ROBO1: variants seen among roughly 807,000 people sequenced by gnomAD.
The protein encoded by ROBO1 is roundabout homolog 1.
ROBO1 carries 149 observed loss-of-function variants against 195.9 expected under a neutral mutation model. That is an observed-to-expected ratio of 0.76 (90% CI 0.67 to 0.87). The LOEUF (loss-of-function observed/expected upper bound fraction) is 0.87, where lower values mean the gene tolerates loss of function less well. Among genes scored for constraint, ROBO1 ranks in the 40% least tolerant of loss-of-function variants. ROBO1 has a pLI of 0.00. For missense variants in ROBO1, 1,933 were observed against 2,068.3 expected, an observed-to-expected ratio of 0.93 and a Z score of 1.27; for synonymous variants, 816 against 733.2, an observed-to-expected ratio of 1.11 and a Z score of -1.82.
At chr3:78,855,418 G>A (rs1010878731) in intron 4 of ROBO1, among the ~76,000 whole-genome samples, 4 of 152,168 alleles carry the variant, frequency 2.6e-5, no homozygotes, top group African/African-American at 9.6e-5. Flanking sequence ...GTCAGGCAGA[G>A]CCTGGGCAAC....
intron 4 of ROBO1, among the ~76,000 whole-genome samples, chr3:78,817,223 C>T (rs73117115): frequency 6.6e-6 from 1 of 151,892 alleles, no homozygotes; most frequent in Admixed American, 6.5e-5. Flanking sequence ...GCAATCACCA[C>T]CCTGATCAGT....
chr3:79,638,030 C>A (rs946369305), intron 1 of ROBO1, among the ~76,000 whole-genome samples: 1 of 151,994 alleles, frequency 6.6e-6, no homozygotes, highest in South Asian at 2.1e-4. Context: ...TGAACAGAAC[C>A]TAATGCAAAC....
At chr3:79,420,604 G>A (rs905733093) in intron 2 of ROBO1, among the ~76,000 whole-genome samples, 3 of 152,138 alleles carry the variant, frequency 2.0e-5, no homozygotes, top group Non-Finnish European at 4.4e-5. Flanking sequence ...TGAAGACGTA[G>A]AGTCTCTTTC....
intron 1 of ROBO1, among the ~76,000 whole-genome samples, chr3:79,645,775 G>T (rs1945803626): frequency 6.6e-6 from 1 of 152,060 alleles, no homozygotes; most frequent in African/African-American, 2.4e-5. Flanking sequence ...GGCACAGACA[G>T]ACAGACCAAG....
intron 1 of ROBO1, among the ~76,000 whole-genome samples, chr3:79,720,850 T>A (rs1016964756): frequency 2.0e-5 from 3 of 150,512 alleles, no homozygotes; most frequent in Non-Finnish European, 4.4e-5. Flanking sequence ...TGGAGTGCAG[T>A]GGTGCGATCT....
At position 78,614,761 on chromosome 3, in the gene ROBO1, G is replaced by C; in HGVS notation, c.4322C>G (p.Thr1441Arg). 1 of 1,612,748 alleles carries C rather than the reference G, an allele frequency of 6.2e-7. No individual in the cohort carries two copies. The highest frequency in any genetic ancestry group is 8.5e-7 in the Non-Finnish European group (1 of 1,179,668). The part of the protein sequence containing the change: ...HFHASQCPRP[T>R]SPVSTDSNMS... ...GTTGCTGTCTGTAGACACGGGACTT[G>C]TGGGCCTAGGGCACTGAGACGCATG... is the stretch of plus-strand genomic sequence containing the variant. Residue 1441 changes from threonine to arginine, a missense_variant, in exon 28 of 31, where the codon ACA becomes AGA. Physicochemically the swap from Thr to Arg is moderately conservative, Grantham distance 71. Around this residue, in one of 3 missense-constraint regions of ROBO1, gnomAD observed 1,737 missense variants for 1,882.5 expected, o/e 0.92. Coordinates refer to ENST00000464233, the MANE Select transcript of ROBO1 (RefSeq NM_002941.4).
In ROBO1 at chr3:78,714,416, A is replaced by G. The variant is rs1326530020; in HGVS notation, c.1026T>C (p.Ser342=). The change falls in exon 8 of 31, where the codon TCT becomes TCC. Residue 342 remains serine, a synonymous_variant. Coordinates refer to ENST00000464233, the MANE Select transcript of ROBO1 (RefSeq NM_002941.4). ...GCCTACCTTGAACAGTCAGAGTAGC[A>G]GATGCTTCAGCTTTGCCCACCATAT... ...AENMVGKAEA[S]ATLTVQEPPH... is the part of the protein sequence containing the mutation. 1 of 1,613,202 alleles carries G rather than the reference A, an allele frequency of 6.2e-7. No homozygotes were observed. The highest frequency in any genetic ancestry group is 1.1e-5 in the South Asian group (1 of 90,918).
intron 3 of ROBO1, among the ~76,000 whole-genome samples, chr3:79,051,141 A>G (rs1431914517): frequency 6.6e-6 from 1 of 152,080 alleles, no homozygotes; most frequent in Non-Finnish European, 1.5e-5. Flanking sequence ...GAAAAGATCA[A>G]AAAACACATA....
chr3:79,200,053 T>C (rs942468790), intron 2 of ROBO1, among the ~76,000 whole-genome samples: 6 of 151,666 alleles, frequency 4.0e-5, no homozygotes, highest in African/African-American at 1.5e-4. Flanking sequence ...GCTGTAACTG[T>C]AGGAAGACAA....
chr3:78,726,631 T>C (rs1259794272), intron 5 of ROBO1, among the ~76,000 whole-genome samples: 1 of 152,214 alleles, frequency 6.6e-6, no homozygotes, highest in Admixed American at 6.5e-5. Flanking sequence ...ATAGAAATGC[T>C]GTCAATTCTG....
intron 2 of ROBO1, among the ~76,000 whole-genome samples, chr3:79,554,039 GAAT>G (rs1942614752): frequency 6.6e-6 from 1 of 151,912 alleles, no homozygotes; most frequent in African/African-American, 2.4e-5. Flanking sequence ...TATAATAGGT[GAAT>G]AATAATGATG....
At chr3:79,708,536 C>T (rs140738809) in intron 1 of ROBO1, among the ~76,000 whole-genome samples, 2 of 152,194 alleles carry the variant, frequency 1.3e-5, no homozygotes, top group East Asian at 3.9e-4. Flanking sequence ...GCCTCCTCTA[C>T]ATGAAGAAAA....
chr3:79,087,137 T>G (rs1262950033), intron 3 of ROBO1, among the ~76,000 whole-genome samples: 1 of 152,060 alleles, frequency 6.6e-6, no homozygotes, highest in Admixed American at 6.6e-5. Context: ...AGGATGCATA[T>G]TAAAACATAG....
intron 2 of ROBO1, among the ~76,000 whole-genome samples, chr3:79,554,827 T>C (rs1348326219): frequency 6.6e-6 from 1 of 152,162 alleles, no homozygotes; most frequent in Non-Finnish European, 1.5e-5. Flanking sequence ...CATTGCTTTC[T>C]AATCTATGAA....
At chr3:79,372,270 G>A (rs554733707) in intron 2 of ROBO1, among the ~76,000 whole-genome samples, 5 of 150,550 alleles carry the variant, frequency 3.3e-5, no homozygotes, top group South Asian at 2.1e-4. Context: ...GCAGGAGCAC[G>A]ATCTCAGTTC....
rs1356257635 is a variant in ROBO1 at position 79,597,617 on chromosome 3, G to A, written c.-50-7656C>T. Among the ~76,000 whole-genome samples the A allele has an allele frequency of 3.9e-5, 6 of 152,062 alleles. No individual in the cohort carries two copies. The East Asian group carries it at 1.2e-3, about 30-fold the overall frequency. On this transcript the variant is annotated intron_variant, in intron 1 of 30. Coordinates refer to ENST00000464233, the MANE Select transcript of ROBO1 (RefSeq NM_002941.4). ...CAGGCAAATGCTATACCTTTAGTTT[G>A]TTTAAATTATGCTAAACTCCAAACT...
At chr3:78,682,660 T>C (rs1282933358) in intron 10 of ROBO1, among the ~76,000 whole-genome samples, 1 of 147,528 alleles carries the variant, frequency 6.8e-6, no homozygotes, top group African/African-American at 2.5e-5. Context: ...TGACTGTGTA[T>C]ATATACGTAT....
At chr3:79,389,262 T>A (rs1433366817) in intron 2 of ROBO1, among the ~76,000 whole-genome samples, 1 of 151,854 alleles carries the variant, frequency 6.6e-6, no homozygotes, top group Non-Finnish European at 1.5e-5. Context: ...AAGAAAAAAA[T>A]TATGTAATAT....
chr3:78,918,762 C>A (rs1032080652), intron 4 of ROBO1, among the ~76,000 whole-genome samples: 3 of 151,862 alleles, frequency 2.0e-5, no homozygotes, highest in African/African-American at 7.2e-5. Flanking sequence ...TACAAATATC[C>A]ATATGTCCCA....
Sources: gnomAD v4.1 joint callset for allele counts (sites outside exome capture counted in the v4.1 genomes callset) on GRCh38, gnomAD v4.1.1 for gene constraint, gnomAD v4.1.1 regional missense constraint, MANE v1.5 for transcripts, NCBI Gene and HGNC (gene_info 2026-07-23, HGNC 2026-07-21) for gene names.